Variants in CDH6 observed in about 807,000 individuals in gnomAD.
CDH6 encodes the protein cadherin 6, also known as cadherin-6.
A neutral mutation model predicts 78.0 loss-of-function variants in CDH6; 31 were observed. That is an observed-to-expected ratio of 0.40 (90% confidence interval 0.30 to 0.54). CDH6 has a LOEUF of 0.54. Ranked by LOEUF, CDH6 falls within the 20% of genes least tolerant of loss-of-function variation. The pLI is 0.56. For synonymous variants in CDH6, 376 were observed against 368.8 expected, an observed-to-expected ratio of 1.02 and a Z score of -0.23; for missense variants, 724 against 975.9, an observed-to-expected ratio of 0.74 and a Z score of 3.44.
At chr5:31,247,119 T>C (rs1381072042) in intron 1 of CDH6, among the ~76,000 whole-genome samples, 1 of 152,160 alleles carries the variant, frequency 6.6e-6, no homozygotes, top group Non-Finnish European at 1.5e-5. Flanking sequence ...ACTCAGGACA[T>C]CTCTGCAGAA....
chr5:31,287,350 A>G (rs1381195610), intron 2 of CDH6, among the ~76,000 whole-genome samples: 1 of 152,196 alleles, frequency 6.6e-6, no homozygotes, highest in East Asian at 1.9e-4. Context: ...TTGATAGGAA[A>G]GTCAGAATTC....
chr5:31,239,353 A>C (rs1431522144), intron 1 of CDH6, among the ~76,000 whole-genome samples: 1 of 152,174 alleles, frequency 6.6e-6, no homozygotes, highest in African/African-American at 2.4e-5. Flanking sequence ...GTTCAGACTT[A>C]TTTTATTGTA....
intron 1 of CDH6, among the ~76,000 whole-genome samples, chr5:31,199,502 GTGTATATATATGTACACACACATA>G (rs1310238786): frequency 6.1e-5 from 6 of 97,838 alleles, no homozygotes; most frequent in African/African-American, 1.4e-4. Context: ...ACACACATAT[GTGTATATATATGTACACACACATA>G]TGTGTATATA....
Position 31,323,271 on chromosome 5 carries a change from A to T in CDH6, c.2336A>T (p.Asp779Val). The T allele has an allele frequency of 6.2e-7, 1 of 1,614,016 alleles. No homozygotes were observed. Among genetic ancestry groups the T allele is most frequent in the Non-Finnish European group, 8.5e-7 (1 of 1,179,886 alleles). The change falls in exon 12 of 12, where the codon GAT becomes GTT. Residue 779 changes from aspartate (D) to valine (V), a missense_variant. This residue lies in a region of CDH6 where 220 missense variants were observed against 240.6 expected (regional missense o/e 0.91). Coordinates refer to ENST00000265071, the MANE Select transcript of CDH6 (RefSeq NM_004932.4). ...GGACCTCGATTCAAAAAGCTTGCAG[A>T]TATGTATGGAGGAGTGGACAGTGAC... ...DWGPRFKKLA[D>V]MYGGVDSDKD...
rs1183733013 is a variant in CDH6 at position 31,270,960 on chromosome 5, T to A, written c.228+3259T>A. 2.0e-5 allele frequency among the ~76,000 whole-genome samples: 3 copies of A among 152,260 alleles called. No homozygotes were observed. In the East Asian group the frequency reaches 5.8e-4, roughly 29 times the overall value. On this transcript the variant is annotated intron_variant, in intron 2 of 11. Coordinates refer to ENST00000265071, the MANE Select transcript of CDH6 (RefSeq NM_004932.4). ...AACCACTAGAATAGTTCGCTTGACA[T>A]ATAAAGGTGTACCAAGGCTAATAGA... is the stretch of plus-strand genomic sequence containing the variant.
chr5:31,295,345 G>A (rs368219884), intron 3 of CDH6, among the ~76,000 whole-genome samples: 13 of 152,104 alleles, frequency 8.5e-5, no homozygotes, highest in African/African-American at 2.9e-4. Context: ...TCTCCTCTAC[G>A]TGGTAAAAGG....
chr5:31,216,062 A>G (rs1740854268), intron 1 of CDH6, among the ~76,000 whole-genome samples: 1 of 152,262 alleles, frequency 6.6e-6, no homozygotes, highest in East Asian at 1.9e-4. Context: ...GTTCTACAAC[A>G]TAGTCTATTA....
At chr5:31,220,813 T>G (rs1470271953) in intron 1 of CDH6, among the ~76,000 whole-genome samples, 9 of 151,430 alleles carry the variant, frequency 5.9e-5, no homozygotes, top group Non-Finnish European at 8.8e-5. Flanking sequence ...AAACTGGGGG[T>G]GGGAAGATGA....
In CDH6 at chr5:31,317,845, T is replaced by A. The variant is rs2229575; in HGVS notation, c.1803T>A (p.His601Gln). The A allele has an allele frequency of 3.1e-6, 5 of 1,613,854 alleles. No homozygotes were observed. The highest frequency in any genetic ancestry group is 4.2e-6 in the Non-Finnish European group (5 of 1,179,944). The change falls in exon 11 of 12, where the codon CAT becomes CAA. Residue 601 changes from histidine to glutamine, a missense_variant. His to Gln is a conservative substitution (Grantham distance 24). Around this residue, in one of 3 missense-constraint regions of CDH6, gnomAD observed 220 missense variants for 240.6 expected, o/e 0.91. Coordinates refer to ENST00000265071, the MANE Select transcript of CDH6 (RefSeq NM_004932.4). ...CDHHGNMQSC[H>Q]AEALIHPTGL... ...ACCACGGGAACATGCAATCCTGCCA[T>A]GCGGAGGCGCTCATCCACCCCACGG...
chr5:31,210,816 GT>G (rs577685453), intron 1 of CDH6, among the ~76,000 whole-genome samples: 19 of 151,730 alleles, frequency 1.3e-4, no homozygotes, highest in African/African-American at 2.2e-4. Flanking sequence ...TATTTTTTGG[GT>G]TTTTTTTCCT....
intron 11 of CDH6, chr5:31,318,164 CT>C: frequency 1.7e-6 from 1 of 602,978 alleles, no homozygotes; most frequent in East Asian, 2.8e-5. Flanking sequence ...CAAAGAATCT[CT>C]TGTCTATCAG....
intron 11 of CDH6, 138 bp downstream of exon 11, chr5:31,318,062 G>A: frequency 9.6e-7 from 1 of 1,042,082 alleles, no homozygotes; most frequent in Non-Finnish European, 1.5e-6. Context: ...CTGAGAATCT[G>A]TGCTGTACGA....
intron 1 of CDH6, among the ~76,000 whole-genome samples, chr5:31,206,650 C>T (rs1012377758): frequency 1.3e-5 from 2 of 152,158 alleles, no homozygotes; most frequent in East Asian, 1.9e-4. Flanking sequence ...AAACATACAT[C>T]GACTAGCAAT....
rs1172202279 is a variant in CDH6 at position 31,328,261 on chromosome 5, T to C, written c.*4953T>C. 1 of 188,586 alleles carries C rather than the reference T, an allele frequency of 5.3e-6. No homozygotes were observed. The highest frequency in any genetic ancestry group is 8.3e-5 in the East Asian group (1 of 11,996). 11.7% of individuals were successfully genotyped at this position (188,586 alleles called of 1,614,324 possible). On this transcript the variant is annotated 3_prime_UTR_variant, in exon 12 of 12. Transcript: ENST00000265071. The stretch of plus-strand genomic sequence containing the variant: ...TGGGGTTAATCTGACAAACGAGGCA[T>C]GGACCCAGCCTTGTGGAAAAAGCAT...
chr5:31,210,741 A>G (rs1740681364), intron 1 of CDH6, among the ~76,000 whole-genome samples: 1 of 152,144 alleles, frequency 6.6e-6, no homozygotes, highest in Admixed American at 6.5e-5. Context: ...AATACCTAAT[A>G]CACTATCAAT....
At chr5:31,239,196 C>T (rs1266906893) in intron 1 of CDH6, among the ~76,000 whole-genome samples, 1 of 152,142 alleles carries the variant, frequency 6.6e-6, no homozygotes, top group African/African-American at 2.4e-5. Flanking sequence ...AATTTCATAG[C>T]TCTAAAAGTC....
intron 1 of CDH6, among the ~76,000 whole-genome samples, chr5:31,223,420 T>C (rs1234128454): frequency 6.6e-6 from 1 of 152,230 alleles, no homozygotes; most frequent in Non-Finnish European, 1.5e-5. Flanking sequence ...GGAAGCTTTG[T>C]AACATTATCC....
At chr5:31,266,245 AT>A (rs1742350533) in intron 1 of CDH6, among the ~76,000 whole-genome samples, 1 of 152,110 alleles carries the variant, frequency 6.6e-6, no homozygotes, top group Non-Finnish European at 1.5e-5. Flanking sequence ...GGCCACCAGG[AT>A]TTTTTTAATG....
intron 1 of CDH6, among the ~76,000 whole-genome samples, chr5:31,242,587 G>A (rs1741634562): frequency 1.3e-5 from 2 of 152,158 alleles, no homozygotes; most frequent in Non-Finnish European, 2.9e-5. Context: ...CAGGATCGTA[G>A]CATGCAGGGA....
Sources: allele counts gnomAD v4.1 joint callset (sites outside exome capture counted in the v4.1 genomes callset), GRCh38; gene constraint gnomAD v4.1.1; regional missense constraint gnomAD v4.1.1; transcripts MANE v1.5; gene names NCBI Gene and HGNC (gene_info 2026-07-23, HGNC 2026-07-21).